RAPGEF2: variants seen among roughly 807,000 people sequenced by gnomAD.
RAPGEF2 encodes the protein Rap guanine nucleotide exchange factor 2.
RAPGEF2 carries 54 observed loss-of-function variants against 186.7 expected under a neutral mutation model. That is an observed-to-expected ratio of 0.29 (90% CI 0.23 to 0.36). The LOEUF (loss-of-function observed/expected upper bound fraction) is 0.36, where lower values mean the gene tolerates loss of function less well. Among genes scored for constraint, RAPGEF2 ranks in the 10% least tolerant of loss-of-function variants. RAPGEF2 has a pLI of 1.00. For synonymous variants in RAPGEF2, 712 were observed against 705.9 expected, an observed-to-expected ratio of 1.01 and a Z score of -0.14; for missense variants, 1,532 against 2,045.0, an observed-to-expected ratio of 0.75 and a Z score of 4.84.
At chr4:159,223,784 T>G (rs898428617) in intron 4 of RAPGEF2, among the ~76,000 whole-genome samples, 7 of 152,234 alleles carry the variant, frequency 4.6e-5, no homozygotes, top group African/African-American at 1.4e-4. Flanking sequence ...AGACCATTTC[T>G]GTTTACCTCT....
rs529789964 is a variant in RAPGEF2 at position 159,277,373 on chromosome 4, A to G, written c.544-26969A>G. 2.7e-4 allele frequency among the ~76,000 whole-genome samples: 41 copies of G among 152,310 alleles called. 1 individual carries two copies. The highest frequency in any genetic ancestry group is 2.0e-3 in the Admixed American group (31 of 15,302). ...AGTCTTTGCTATTGTGAGTAGTGCC[A>G]CAATTAACATACGTGTGCATGTGTC... On this transcript the variant is annotated intron_variant, in intron 7 of 29. Transcript: ENST00000691494.
rs1420762529 is a variant in RAPGEF2, at chr4:159,103,753, C to A, written c.-410C>A. The A allele has an allele frequency of 6.6e-6, 1 of 152,536 alleles. No homozygotes were observed. Among genetic ancestry groups the A allele is most frequent in the African/African-American group, 2.4e-5 (1 of 41,458 alleles). The allele number at this position is 152,536 out of a possible 1,614,324, so 9.4% of individuals were successfully genotyped here. Reference sequence around the variant, plus strand: ...ACAGCCCTCCCCACTGCCACTCGTACCTCCCTAAAAATAACTCGGGCCCGC... The same window carrying A: ...ACAGCCCTCCCCACTGCCACTCGTAACTCCCTAAAAATAACTCGGGCCCGC... On this transcript the variant is annotated 5_prime_UTR_variant, in exon 1 of 30. Coordinates refer to ENST00000691494, the MANE Select transcript of RAPGEF2 (RefSeq NM_001394067.2).
At chr4:159,238,927 G>A (rs1423242661) in intron 5 of RAPGEF2, 43 bp downstream of exon 5, 4 of 1,345,660 alleles carry the variant, frequency 3.0e-6, no homozygotes, top group Non-Finnish European at 3.9e-6. Flanking sequence ...CTAAAAAATT[G>A]TATGAAATAA....
chr4:159,240,433 A>G (rs934607627), intron 5 of RAPGEF2, among the ~76,000 whole-genome samples: 5 of 139,000 alleles, frequency 3.6e-5, no homozygotes, highest in Non-Finnish European at 7.5e-5. Flanking sequence ...TCCTGGGTTC[A>G]AGCAATTCTC....
At chr4:159,234,747 C>T (rs1033713084) in intron 4 of RAPGEF2, among the ~76,000 whole-genome samples, 3 of 151,066 alleles carry the variant, frequency 2.0e-5, no homozygotes, top group African/African-American at 7.3e-5. Context: ...TAGGCATGAG[C>T]CACTGCTCCC....
chr4:159,149,548 C>T (rs540678176), intron 1 of RAPGEF2, among the ~76,000 whole-genome samples: 15 of 152,266 alleles, frequency 9.9e-5, no homozygotes, highest in African/African-American at 2.6e-4. Flanking sequence ...TGAGCCACCG[C>T]GCCTGGCCTA....
chr4:159,179,986 A>G (rs1403645415), intron 1 of RAPGEF2, among the ~76,000 whole-genome samples: 2 of 152,212 alleles, frequency 1.3e-5, no homozygotes. Flanking sequence ...ACCAGGGCAT[A>G]GTGAGCCGAT....
At chr4:159,254,128 A>G (rs914859641) in intron 7 of RAPGEF2, among the ~76,000 whole-genome samples, 3 of 152,204 alleles carry the variant, frequency 2.0e-5, no homozygotes, top group African/African-American at 7.2e-5. Flanking sequence ...TAATGTAATT[A>G]ATTATTACTG....
intron 3 of RAPGEF2, among the ~76,000 whole-genome samples, chr4:159,206,784 C>T (rs866419510): frequency 6.6e-6 from 1 of 152,254 alleles, no homozygotes; most frequent in Admixed American, 6.5e-5. Flanking sequence ...AAACATATTT[C>T]GATGCTGACA....
intron 2 of RAPGEF2, among the ~76,000 whole-genome samples, chr4:159,189,431 AG>A (rs1747888747): frequency 6.6e-6 from 1 of 152,180 alleles, no homozygotes; most frequent in Non-Finnish European, 1.5e-5. Context: ...TTATCCGTTT[AG>A]TTTATATAGG....
chr4:159,346,235 G>T (rs1160505819), intron 24 of RAPGEF2, among the ~76,000 whole-genome samples: 2 of 152,118 alleles, frequency 1.3e-5, no homozygotes, highest in Non-Finnish European at 2.9e-5. Context: ...GTCCTAAATT[G>T]CTTTGCCATT....
chr4:159,202,234 C>T (rs1749500518), intron 3 of RAPGEF2, among the ~76,000 whole-genome samples: 1 of 152,164 alleles, frequency 6.6e-6, no homozygotes, highest in African/African-American at 2.4e-5. Context: ...CTTCCTCACT[C>T]CCCTGGGCCG....
chr4:159,192,923 A>G (rs976726927), intron 2 of RAPGEF2, among the ~76,000 whole-genome samples: 2 of 152,214 alleles, frequency 1.3e-5, no homozygotes, highest in African/African-American at 2.4e-5. Flanking sequence ...CATTTACAAA[A>G]TAGAAAATAC....
chr4:159,141,975 G>C (rs1302218489), intron 1 of RAPGEF2, among the ~76,000 whole-genome samples: 4 of 152,150 alleles, frequency 2.6e-5, no homozygotes, highest in African/African-American at 9.7e-5. Context: ...CACTGTTGTT[G>C]GGGGCATATG....
rs752653685 is a variant in RAPGEF2 at position 159,323,482 on chromosome 4, C to A, written c.1014C>A (p.Leu338=). Reference sequence around the variant, plus strand: ...AGCTGGACTCCTGGTCAGTGATTCTCAATGGATCTGTGGAAGTGACTTATC... The same window carrying A: ...AGCTGGACTCCTGGTCAGTGATTCTAAATGGATCTGTGGAAGTGACTTATC... ...GEELDSWSVI[L]NGSVEVTYPD... Residue 338 remains leucine, a synonymous_variant, in exon 11 of 30, where the codon CTC becomes CTA. Transcript: ENST00000691494. 6.2e-7 allele frequency: 1 copy of A among 1,607,518 alleles called. No homozygotes were observed. Among genetic ancestry groups the A allele is most frequent in the Admixed American group, 1.7e-5 (1 of 58,914 alleles).
intron 1 of RAPGEF2, among the ~76,000 whole-genome samples, chr4:159,143,101 G>C (rs758510187): frequency 5.3e-5 from 8 of 152,062 alleles, no homozygotes; most frequent in Non-Finnish European, 1.2e-4. Context: ...GCTGGGCTTG[G>C]TGGCATGCAC....
intron 1 of RAPGEF2, among the ~76,000 whole-genome samples, chr4:159,178,650 C>T (rs372433250): frequency 3.3e-5 from 5 of 150,784 alleles, no homozygotes; most frequent in South Asian, 2.1e-4. Context: ...CTCCACCTCC[C>T]GGGTTCAAGC....
chr4:159,323,652 T>G (rs1765532523), intron 11 of RAPGEF2, 35 bp downstream of exon 11: 12 of 1,260,802 alleles, frequency 9.5e-6, no homozygotes, highest in East Asian at 3.0e-5. Context: ...TATATTTTAT[T>G]CTTAATAAAG....
At chr4:159,293,647 G>A (rs1761530072) in intron 7 of RAPGEF2, among the ~76,000 whole-genome samples, 2 of 152,222 alleles carry the variant, frequency 1.3e-5, no homozygotes, top group East Asian at 3.8e-4. Flanking sequence ...GATAATGCTA[G>A]CTATTGTACC....
Sources: allele counts gnomAD v4.1 joint callset (sites outside exome capture counted in the v4.1 genomes callset), GRCh38; gene constraint gnomAD v4.1.1; transcripts MANE v1.5; gene names NCBI Gene and HGNC (gene_info 2026-07-23, HGNC 2026-07-21).